KYNU: variants seen among roughly 807,000 people sequenced by gnomAD.
KYNU encodes the protein L-kynurenine hydrolase.
A neutral mutation model predicts 59.2 loss-of-function variants in KYNU; 54 were observed. The ratio of observed to expected loss-of-function variants is 0.91; its 90% CI spans 0.73 to 1.14. The LOEUF (loss-of-function observed/expected upper bound fraction) is 1.14. KYNU is among the 50% of genes most tolerant of loss of function. The probability of loss-of-function intolerance (pLI) is 0.00; values close to 1 mark genes in which losing one functional copy is unlikely to be tolerated. For synonymous variants in KYNU, 177 were observed against 192.0 expected (o/e 0.92, Z 0.65); for missense variants, 567 against 554.4 (o/e 1.02, Z -0.23).
At chr2:142,984,209 C>T (rs1339357790) in intron 8 of KYNU, among the ~76,000 whole-genome samples, 1 of 151,898 alleles carries the variant, frequency 6.6e-6, no homozygotes, top group African/African-American at 2.4e-5. Flanking sequence ...AATATTGGTT[C>T]ATTGAATTAT....
intron 10 of KYNU, among the ~76,000 whole-genome samples, chr2:142,994,080 G>A (rs1042192246): frequency 2.0e-5 from 3 of 151,960 alleles, no homozygotes; most frequent in Admixed American, 6.6e-5. Flanking sequence ...AATCTGCAGG[G>A]ACTTTATTTT....
intron 5 of KYNU, 50 bp from the exon 6 acceptor site, chr2:142,956,153 A>T (rs116561313): frequency 1.0e-6 from 1 of 996,246 alleles, no homozygotes; most frequent in South Asian, 1.3e-5. Flanking sequence ...AAATGAACAA[A>T]TGTATAAATT....
chr2:142,926,275 T>C (rs1350418534), intron 3 of KYNU, among the ~76,000 whole-genome samples: 1 of 151,642 alleles, frequency 6.6e-6, no homozygotes, highest in Non-Finnish European at 1.5e-5. Flanking sequence ...ACTTAAAGTA[T>C]AATAAAAAAA....
intron 8 of KYNU, among the ~76,000 whole-genome samples, chr2:142,969,690 C>T (rs965971316): frequency 2.2e-4 from 34 of 152,164 alleles, no homozygotes; most frequent in African/African-American, 7.7e-4. Context: ...GAAAAGCAAG[C>T]CTCCTGGTTG....
intron 8 of KYNU, 101 bp from the exon 9 acceptor site, chr2:142,984,983 T>C (rs1000650138): frequency 1.3e-6 from 1 of 784,866 alleles, no homozygotes; most frequent in Non-Finnish European, 2.3e-6. Context: ...AAACCATAAT[T>C]TATGGTACAG....
In KYNU at chr2:142,904,785, G is replaced by A. The variant is rs115925573; in HGVS notation, c.170-13824G>A. ...CAGTGTTCTCTATGGTCCTTTCCAC[G>A]GTGTGTAACCACCCATGGACCTCTG... On this transcript the variant is annotated intron_variant, in intron 2 of 13. Coordinates refer to ENST00000264170, the MANE Select transcript of KYNU (RefSeq NM_003937.3). Among the ~76,000 whole-genome samples the A allele has an allele frequency of 1.6e-4, 25 of 152,132 alleles. 1 individual carries two copies. The highest frequency in any genetic ancestry group is 1.0e-3 in the South Asian group (5 of 4,810).
intron 10 of KYNU, among the ~76,000 whole-genome samples, chr2:143,000,659 C>T (rs1483827120): frequency 1.3e-5 from 2 of 151,526 alleles, no homozygotes; most frequent in Admixed American, 1.3e-4. Flanking sequence ...TGGCATATCT[C>T]TAACTGGTGA....
At chr2:142,969,744 T>G (rs1684661618) in intron 8 of KYNU, among the ~76,000 whole-genome samples, 1 of 152,208 alleles carries the variant, frequency 6.6e-6, no homozygotes, top group Non-Finnish European at 1.5e-5. Context: ...ATCAAAGCCA[T>G]GAGGGATATC....
rs371916349 is a variant in KYNU at position 143,019,776 on chromosome 2, C to T, written c.903-9851C>T. Among the ~76,000 whole-genome samples the T allele has an allele frequency of 4.4e-4, 67 of 152,088 alleles. 2 individuals are homozygous for T. Among genetic ancestry groups the T allele is most frequent in the African/African-American group, 1.5e-3 (64 of 41,530 alleles). ...GTTTGGTAGAATTTATTAGTGAATC[C>T]ATCACGTCTTTGGATTTTCTTTAAT... On this transcript the variant is annotated intron_variant, in intron 10 of 13. Transcript: ENST00000264170.
intron 3 of KYNU, among the ~76,000 whole-genome samples, chr2:142,921,422 G>C (rs1419725230): frequency 2.0e-5 from 3 of 152,156 alleles, no homozygotes; most frequent in African/African-American, 7.2e-5. Flanking sequence ...TGTGTTCAAA[G>C]TAGTCAGACC....
intron 5 of KYNU, 115 bp from the exon 6 acceptor site, chr2:142,956,088 T>G: frequency 1.6e-6 from 1 of 629,136 alleles, no homozygotes; most frequent in Non-Finnish European, 2.8e-6. Context: ...CTTAAGATGT[T>G]GAGTTAATTA....
intron 8 of KYNU, among the ~76,000 whole-genome samples, chr2:142,970,075 G>C (rs17193961): frequency 0.038 from 5,808 of 152,172 alleles, 146 homozygotes; most frequent in South Asian, 0.06. Flanking sequence ...AATTCCAAAA[G>C]ATCTTTGGGC....
rs1687140068 is a variant in KYNU, at chr2:143,044,823, C to A, written c.*2651C>A. 6.6e-6 allele frequency: 1 copy of A among 152,026 alleles called. No individual in the cohort carries two copies. The highest frequency in any genetic ancestry group is 1.5e-5 in the Non-Finnish European group (1 of 68,026). The allele number at this position is 152,026 out of a possible 1,614,324, so 9.4% of individuals were successfully genotyped here. On this transcript the variant is annotated 3_prime_UTR_variant, in exon 14 of 14. Transcript: ENST00000264170. ...TAGTTTCTTTTGCTGTGTAGAAGCT[C>A]TTTAGTTTAATCAGGTTCCATTTGT...
chr2:142,919,750 G>A (rs755834122), intron 3 of KYNU, among the ~76,000 whole-genome samples: 45 of 152,020 alleles, frequency 3.0e-4, no homozygotes, highest in Non-Finnish European at 5.0e-4. Flanking sequence ...CCTGGCCAAC[G>A]TGGCGAAACC....
chr2:142,986,490 A>G (rs553975840), intron 10 of KYNU, among the ~76,000 whole-genome samples: 74 of 152,020 alleles, frequency 4.9e-4, no homozygotes, highest in Non-Finnish European at 9.6e-4. Context: ...TTCTGTCCTA[A>G]AAGACTTTAT....
At chr2:143,000,871 C>A (rs1214562805) in intron 10 of KYNU, among the ~76,000 whole-genome samples, 6 of 152,030 alleles carry the variant, frequency 3.9e-5, no homozygotes, top group Admixed American at 3.9e-4. Flanking sequence ...ACAAGAATGA[C>A]CCAATTTGTA....
chr2:143,000,207 C>T (rs1272735002), intron 10 of KYNU, among the ~76,000 whole-genome samples: 1 of 152,070 alleles, frequency 6.6e-6, no homozygotes, highest in Non-Finnish European at 1.5e-5. Flanking sequence ...GTATTTATGA[C>T]TGGTTGAATT....
At chr2:143,034,865 C>G (rs1484550723) in intron 12 of KYNU, among the ~76,000 whole-genome samples, 1 of 152,182 alleles carries the variant, frequency 6.6e-6, no homozygotes, top group Non-Finnish European at 1.5e-5. Context: ...AGAGCTTGTA[C>G]CTAAAGTAAT....
chr2:142,959,934 T>C (rs1684287235), intron 7 of KYNU, among the ~76,000 whole-genome samples: 1 of 152,192 alleles, frequency 6.6e-6, no homozygotes. Flanking sequence ...TTAATTTAGT[T>C]TAGTTTTTTT....
Sources: gnomAD v4.1 joint callset for allele counts (sites outside exome capture counted in the v4.1 genomes callset) on GRCh38, gnomAD v4.1.1 for gene constraint, MANE v1.5 for transcripts, NCBI Gene and HGNC (gene_info 2026-07-23, HGNC 2026-07-21) for gene names.